The following SOX5 variants were observed in gnomAD, a reference collection of about 807,000 sequenced individuals.
SOX5 encodes SRY-box transcription factor 5.
Under a neutral mutation model 92.0 loss-of-function variants are expected in SOX5, and 9 were observed. That is an observed-to-expected ratio of 0.10 (90% confidence interval 0.06 to 0.17). The LOEUF (loss-of-function observed/expected upper bound fraction) is 0.17, where lower values mean the gene tolerates loss of function less well. SOX5 is among the 10% of genes least tolerant of loss of function. The pLI, the probability that SOX5 is intolerant of heterozygous loss-of-function variation, is 1.00. For synonymous variants in SOX5, 344 were observed against 336.3 expected, an observed-to-expected ratio of 1.02 and a Z score of -0.25; for missense variants, 642 against 944.5, an observed-to-expected ratio of 0.68 and a Z score of 4.20.
At chr12:24,129,336 A>G (rs1593424577) in intron 4 of SOX5, among the ~76,000 whole-genome samples, 2 of 152,248 alleles carry the variant, frequency 1.3e-5, no homozygotes, top group East Asian at 3.9e-4. Context: ...ACCCTTTACT[A>G]ATTTTTTTAA....
Position 23,534,440 on chromosome 12 carries a change from G to A in SOX5, c.2071C>T (p.Leu691=), listed in dbSNP as rs1297813041. The change falls in exon 15 of 15, where the codon CTG becomes TTG. Residue 691 remains leucine (L), a synonymous_variant. Transcript: ENST00000451604. ...IAMAGMPSPH[L]PSEHSSVSSS... Reference sequence around the variant, plus strand: ...GACACGCTTGAGTGCTCCGAGGGCAGGTGAGGGGAGGGCATCCCAGCCATG... The same window carrying A: ...GACACGCTTGAGTGCTCCGAGGGCAAGTGAGGGGAGGGCATCCCAGCCATG... 3.7e-6 allele frequency: 6 copies of A among 1,614,062 alleles called. No individual in the cohort carries two copies. In the East Asian group the frequency reaches 8.9e-5, roughly 24 times the overall value.
intron 7 of SOX5, among the ~76,000 whole-genome samples, chr12:23,662,848 T>A (rs1407117871): frequency 6.6e-6 from 1 of 152,222 alleles, no homozygotes; most frequent in East Asian, 1.9e-4. Context: ...GTATCTGTAT[T>A]TTTTATAACA....
rs1218224501 is a variant in SOX5 at position 23,536,629 on chromosome 12, T to G, written c.1812A>C (p.Pro604=). The change falls in exon 14 of 15, where the codon CCA becomes CCC. Residue 604 remains proline (P), a synonymous_variant. Coordinates refer to ENST00000451604, the MANE Select transcript of SOX5 (RefSeq NM_006940.6). The stretch of plus-strand genomic sequence containing the variant: ...TGAGACGGGCTTGCTCCTCATAATA[T>G]GGCTGTTTCTCTAGGTTTGTCATAG... The part of the protein sequence containing the change: ...WKAMTNLEKQ[P]YYEEQARLSK... 3.7e-6 allele frequency: 6 copies of G among 1,614,052 alleles called. No homozygotes were observed. In the African/African-American group the frequency reaches 6.7e-5, roughly 18 times the overall value.
chr12:24,507,801 A>G (rs1948940004), intron 1 of SOX5, among the ~76,000 whole-genome samples: 1 of 152,166 alleles, frequency 6.6e-6, no homozygotes, highest in Non-Finnish European at 1.5e-5. Context: ...ATTAAAGGAG[A>G]GGATGATAAA....
intron 3 of SOX5, among the ~76,000 whole-genome samples, chr12:24,252,533 G>A (rs1940305250): frequency 6.6e-6 from 1 of 152,044 alleles, no homozygotes; most frequent in African/African-American, 2.4e-5. Context: ...GGATTAATAG[G>A]CAAGTGTTTC....
intron 2 of SOX5, among the ~76,000 whole-genome samples, chr12:24,360,814 T>C (rs1462334077): frequency 6.6e-6 from 1 of 152,234 alleles, no homozygotes; most frequent in Non-Finnish European, 1.5e-5. Context: ...TCACTAATAA[T>C]GGCATCCATT....
At chr12:23,792,489 G>T (rs1469222187) in intron 3 of SOX5, among the ~76,000 whole-genome samples, 1 of 151,344 alleles carries the variant, frequency 6.6e-6, no homozygotes, top group Non-Finnish European at 1.5e-5. Flanking sequence ...TGGGTGTGGT[G>T]GTGCATGCCT....
intron 4 of SOX5, among the ~76,000 whole-genome samples, chr12:24,053,269 AG>A (rs1035708692): frequency 4.0e-5 from 6 of 150,428 alleles, no homozygotes; most frequent in Non-Finnish European, 8.9e-5. Context: ...CTGGGATTAC[AG>A]GGGCCCACCA....
intron 6 of SOX5, among the ~76,000 whole-genome samples, chr12:23,671,571 G>A (rs2084785304): frequency 6.6e-6 from 1 of 152,136 alleles, no homozygotes; most frequent in Non-Finnish European, 1.5e-5. Flanking sequence ...TTAGCAAAAA[G>A]AGACATGGGA....
intron 6 of SOX5, among the ~76,000 whole-genome samples, chr12:23,679,297 TG>T: frequency 6.6e-6 from 1 of 152,112 alleles, no homozygotes; most frequent in Non-Finnish European, 1.5e-5. Context: ...GATATTCCTT[TG>T]GTGAAAGATT....
chr12:23,909,581 T>C (rs2097329116), intron 1 of SOX5, among the ~76,000 whole-genome samples: 1 of 152,178 alleles, frequency 6.6e-6, no homozygotes, highest in Non-Finnish European at 1.5e-5. Flanking sequence ...GTATTTACCA[T>C]TTACCATTTA....
intron 4 of SOX5, among the ~76,000 whole-genome samples, chr12:23,957,488 G>T: frequency 6.6e-6 from 1 of 152,224 alleles, no homozygotes; most frequent in Non-Finnish European, 1.5e-5. Flanking sequence ...GATTGGCGTA[G>T]GGGGGAATAA....
At chr12:24,314,845 C>T (rs1045800523) in intron 2 of SOX5, among the ~76,000 whole-genome samples, 1 of 152,202 alleles carries the variant, frequency 6.6e-6, no homozygotes, top group African/African-American at 2.4e-5. Flanking sequence ...CTTTGTTCCT[C>T]ATTATATCCT....
chr12:23,596,804 A>G (rs192449855), intron 9 of SOX5, among the ~76,000 whole-genome samples: 39 of 152,318 alleles, frequency 2.6e-4, no homozygotes, highest in Non-Finnish European at 5.3e-4. Context: ...AGGTTTTATC[A>G]GATAACAATA....
intron 2 of SOX5, among the ~76,000 whole-genome samples, chr12:24,310,243 C>G (rs997624277): frequency 6.6e-6 from 1 of 152,102 alleles, no homozygotes; most frequent in African/African-American, 2.4e-5. Context: ...GGTGCAAAAT[C>G]ACGGATAAAC....
chr12:24,028,784 A>G (rs1458402858), intron 4 of SOX5, among the ~76,000 whole-genome samples: 4 of 152,074 alleles, frequency 2.6e-5, no homozygotes, highest in South Asian at 2.1e-4. Context: ...GACAATATTT[A>G]TAAGTCCCTT....
intron 2 of SOX5, among the ~76,000 whole-genome samples, chr12:23,865,512 A>G (rs567919764): frequency 6.6e-6 from 1 of 152,076 alleles, no homozygotes; most frequent in African/African-American, 2.4e-5. Flanking sequence ...CATCTCTACT[A>G]AAAATACGAA....
intron 4 of SOX5, among the ~76,000 whole-genome samples, chr12:24,092,834 A>G (rs952836778): frequency 2.0e-5 from 3 of 152,126 alleles, no homozygotes; most frequent in African/African-American, 7.2e-5. Context: ...TTCTTGCTTT[A>G]GACCAATAAA....
intron 3 of SOX5, among the ~76,000 whole-genome samples, chr12:23,775,395 G>A (rs2095065653): frequency 6.6e-6 from 1 of 152,142 alleles, no homozygotes; most frequent in Non-Finnish European, 1.5e-5. Flanking sequence ...AAATAAGCCA[G>A]GATTCAAACA....
Sources: gnomAD v4.1 joint callset for allele counts (sites outside exome capture counted in the v4.1 genomes callset) on GRCh38, gnomAD v4.1.1 for gene constraint, MANE v1.5 for transcripts, NCBI Gene and HGNC (gene_info 2026-07-23, HGNC 2026-07-21) for gene names.